Variants in DOCK7 observed in about 807,000 individuals in gnomAD.
DOCK7 encodes dedicator of cytokinesis 7, also known as dedicator of cytokinesis protein 7.
Under a neutral mutation model 271.0 loss-of-function variants are expected in DOCK7, and 138 were observed. The ratio of observed to expected loss-of-function variants is 0.51; its 90% CI spans 0.44 to 0.59. The LOEUF is 0.59. Among genes scored for constraint, DOCK7 ranks in the 20% least tolerant of loss-of-function variants. The probability of loss-of-function intolerance (pLI) is 0.00; values close to 1 mark genes in which losing one functional copy is unlikely to be tolerated. For missense variants in DOCK7, 2,066 were observed against 2,592.4 expected (o/e 0.80, Z 4.41); for synonymous variants, 823 against 876.1 (o/e 0.94, Z 1.07).
intron 16 of DOCK7, among the ~76,000 whole-genome samples, chr1:62,579,285 T>C (rs928290927): frequency 6.6e-6 from 1 of 152,092 alleles, no homozygotes; most frequent in Non-Finnish European, 1.5e-5. Flanking sequence ...GACACTAAGG[T>C]AGGGAGTTCT....
At chr1:62,638,154 A>T (rs912199091) in intron 7 of DOCK7, among the ~76,000 whole-genome samples, 3 of 151,936 alleles carry the variant, frequency 2.0e-5, no homozygotes, top group African/African-American at 7.3e-5. Flanking sequence ...CCATTTTTCT[A>T]TTTATTGTTT....
intron 43 of DOCK7, chr1:62,484,240 A>G (rs1646227516): frequency 1.3e-5 from 2 of 152,094 alleles, no homozygotes; most frequent in Admixed American, 6.6e-5. Context: ...GTCAATCTCA[A>G]AAGTTAGGGT....
chr1:62,481,384 C>T (rs562185513), intron 43 of DOCK7: 3 of 152,264 alleles, frequency 2.0e-5, no homozygotes, highest in Admixed American at 6.5e-5. Context: ...GAGAATTTGA[C>T]TATTTTCAAC....
At chr1:62,635,381 C>T (rs537184048) in intron 8 of DOCK7, 3 of 152,290 alleles carry the variant, frequency 2.0e-5, no homozygotes, top group East Asian at 3.9e-4. Flanking sequence ...TACTAAAATA[C>T]AAAAAATTAG....
At chr1:62,597,444 T>C in intron 14 of DOCK7, 2 of 993,636 alleles carry the variant, frequency 2.0e-6, no homozygotes, top group Non-Finnish European at 3.0e-6. Context: ...AATGATTAAC[T>C]ATGTTCACCT....
In DOCK7 at chr1:62,552,974, C is replaced by T. The variant is rs1161111434; in HGVS notation, c.2597-73G>A. ...AAAGGATCTGAAAAAAAATCTCTGCCACTTTAGAAAATTCCACAAAGATCA... is the reference window on the plus strand; with the variant it reads ...AAAGGATCTGAAAAAAAATCTCTGCTACTTTAGAAAATTCCACAAAGATCA... On this transcript the variant is annotated intron_variant, in intron 21 of 49. Coordinates refer to ENST00000635253, the MANE Select transcript of DOCK7 (RefSeq NM_001367561.1). 3 of 1,201,608 alleles carry T rather than the reference C, an allele frequency of 2.5e-6. No individual in the cohort carries two copies. The African/African-American group carries it at 4.7e-5, about 19-fold the overall frequency. 74.4% of individuals were successfully genotyped at this position (1,201,608 alleles called of 1,614,324 possible).
intron 16 of DOCK7, 102 bp from the exon 17 acceptor site, chr1:62,579,068 A>T: frequency 8.6e-7 from 1 of 1,157,426 alleles, no homozygotes. Flanking sequence ...ATTCATGTTT[A>T]ATTTTTCCTC....
At chr1:62,639,744 T>G (rs926350990) in intron 7 of DOCK7, among the ~76,000 whole-genome samples, 1 of 152,028 alleles carries the variant, frequency 6.6e-6, no homozygotes, top group African/African-American at 2.4e-5. Flanking sequence ...CTTTATAATA[T>G]TTTTAAACCG....
intron 22 of DOCK7, among the ~76,000 whole-genome samples, chr1:62,548,776 G>A (rs1230221623): frequency 6.6e-6 from 1 of 152,118 alleles, no homozygotes; most frequent in African/African-American, 2.4e-5. Flanking sequence ...CAGAGCACAG[G>A]GTAGAAGTAG....
chr1:62,469,174 T>C (rs189670947), intron 48 of DOCK7, among the ~76,000 whole-genome samples: 1 of 152,250 alleles, frequency 6.6e-6, no homozygotes, highest in East Asian at 1.9e-4. Flanking sequence ...TAAACTATAC[T>C]GTAAGGCCAT....
chr1:62,502,020 C>T (rs1646798840), intron 37 of DOCK7, among the ~76,000 whole-genome samples: 1 of 151,900 alleles, frequency 6.6e-6, no homozygotes, highest in South Asian at 2.1e-4. Flanking sequence ...ATTTATTCAG[C>T]AAAAGAAAGG....
At chr1:62,544,471 A>G (rs1645635599) in intron 23 of DOCK7, among the ~76,000 whole-genome samples, 1 of 152,232 alleles carries the variant, frequency 6.6e-6, no homozygotes, top group South Asian at 2.1e-4. Flanking sequence ...TATACTGTTC[A>G]CATTCAATTT....
intron 8 of DOCK7, among the ~76,000 whole-genome samples, chr1:62,635,943 G>A (rs927379996): frequency 5.3e-5 from 8 of 152,176 alleles, no homozygotes; most frequent in Admixed American, 1.3e-4. Flanking sequence ...CTACATATTA[G>A]TCTTAGAATA....
intron 13 of DOCK7, among the ~76,000 whole-genome samples, chr1:62,619,608 C>T (rs1272780032): frequency 6.6e-6 from 1 of 152,168 alleles, no homozygotes; most frequent in African/African-American, 2.4e-5. Context: ...GTTCCTCTCT[C>T]CAAATATCTT....
chr1:62,516,634 A>G (rs1277310095), intron 31 of DOCK7, among the ~76,000 whole-genome samples: 1 of 152,216 alleles, frequency 6.6e-6, no homozygotes. Flanking sequence ...TATAACAACC[A>G]GAGCTTCACG....
chr1:62,561,664 C>G lies in DOCK7; in HGVS notation c.2152G>C (p.Gly718Arg). ...GCAACAACTTCAACATTAAAAACAC[C>G]TTTGTGATTATCTACCCATTTCATG... ...PGMKWVDNHK[G>R]VFNVEVVAVS... The change falls in exon 19 of 50, where the codon GGT (glycine) becomes CGT (arginine). Residue 718 changes from glycine (G) to arginine (R), a missense_variant. Gly to Arg is a moderately radical substitution (Grantham distance 125, BLOSUM62 -2). Transcript: ENST00000635253. The G allele has an allele frequency of 6.4e-7, 1 of 1,574,790 alleles. No homozygotes were observed. Among genetic ancestry groups the G allele is most frequent in the South Asian group, 1.2e-5 (1 of 82,144 alleles).
chr1:62,619,896 A>G lies in DOCK7; in HGVS notation c.1519+4T>C. The stretch of plus-strand genomic sequence containing the variant: ...AACCATTTCTACTCAAAATTTTTAA[A>G]TACCTGTAATAGGTCTTAGTCGCCG... On this transcript the variant is annotated splice_donor_region_variant and intron_variant, in intron 13 of 49. Transcript: ENST00000635253. The G allele has an allele frequency of 4.4e-6, 7 of 1,599,618 alleles. No homozygotes were observed. The highest frequency in any genetic ancestry group is 5.1e-6 in the Non-Finnish European group (6 of 1,171,330).
intron 1 of DOCK7, among the ~76,000 whole-genome samples, chr1:62,685,699 C>A (rs1000213930): frequency 2.6e-5 from 4 of 152,180 alleles, no homozygotes; most frequent in African/African-American, 9.7e-5. Context: ...AAAACTGAAT[C>A]ATCATCTCCA....
At position 62,667,793 on chromosome 1, in the gene DOCK7, G is replaced by A. The variant is rs1557883021; in HGVS notation, c.39-4663C>T. On this transcript the variant is annotated intron_variant, in intron 1 of 49. Coordinates refer to ENST00000635253, the MANE Select transcript of DOCK7 (RefSeq NM_001367561.1). ...AGCACTTTGGGAGACTGAGGCAGGC[G>A]AACTGCCTGAGGTCAGGAGTTCGCG... Among the ~76,000 whole-genome samples the A allele has an allele frequency of 2.6e-5, 4 of 152,152 alleles. No homozygotes were observed. In the South Asian group the frequency reaches 6.2e-4, roughly 24 times the overall value.
Sources: gnomAD v4.1 joint callset for allele counts (sites outside exome capture counted in the v4.1 genomes callset) on GRCh38, gnomAD v4.1.1 for gene constraint, MANE v1.5 for transcripts, NCBI Gene and HGNC (gene_info 2026-07-23, HGNC 2026-07-21) for gene names.